Variants in P4HA1 observed in about 807,000 individuals in gnomAD.
P4HA1 encodes prolyl 4-hydroxylase subunit alpha 1.
In P4HA1, 24 loss-of-function variants were observed where a neutral mutation model predicts 72.8. The observed-to-expected ratio is 0.33, with a 90% confidence interval of 0.24 to 0.46. P4HA1 has a LOEUF of 0.46. Ranked by LOEUF, P4HA1 falls within the 20% of genes least tolerant of loss-of-function variation. The probability of loss-of-function intolerance (pLI) is 1.00; values close to 1 mark genes in which losing one functional copy is unlikely to be tolerated. For missense variants in P4HA1, 446 were observed against 640.6 expected (o/e 0.70, Z 3.28); for synonymous variants, 201 against 218.8 (o/e 0.92, Z 0.72).
chr10:73,023,987 A>C (rs1007491440), intron 10 of P4HA1, among the ~76,000 whole-genome samples: 2 of 152,202 alleles, frequency 1.3e-5, no homozygotes, highest in African/African-American at 4.8e-5. Context: ...CAGATTCATA[A>C]GGCAAGTCCT....
At chr10:73,080,362 A>C (rs923303250) in intron 1 of P4HA1, among the ~76,000 whole-genome samples, 1 of 152,236 alleles carries the variant, frequency 6.6e-6, no homozygotes, top group African/African-American at 2.4e-5. Flanking sequence ...GATAATTTGC[A>C]CAAGTTTCCA....
intron 9 of P4HA1, among the ~76,000 whole-genome samples, chr10:73,032,765 G>A (rs1057203445): frequency 6.6e-6 from 1 of 152,172 alleles, no homozygotes; most frequent in East Asian, 1.9e-4. Context: ...ACAGACAAAG[G>A]AAGCGAGCAA....
chr10:73,018,188 A>G (rs1840052335), intron 10 of P4HA1, among the ~76,000 whole-genome samples: 1 of 152,142 alleles, frequency 6.6e-6, no homozygotes, highest in Non-Finnish European at 1.5e-5. Flanking sequence ...CCTCCCAAGA[A>G]AATAGTACTT....
At chr10:73,077,228 G>A (rs1463058377) in intron 1 of P4HA1, among the ~76,000 whole-genome samples, 3 of 152,194 alleles carry the variant, frequency 2.0e-5, no homozygotes, top group Non-Finnish European at 4.4e-5. Context: ...TTTTCTTCAT[G>A]GATAAATGCT....
At chr10:73,093,558 G>C (rs1842081124) in intron 1 of P4HA1, among the ~76,000 whole-genome samples, 1 of 151,656 alleles carries the variant, frequency 6.6e-6, no homozygotes, top group Non-Finnish European at 1.5e-5. Flanking sequence ...ACAAAGCTTT[G>C]GCCGGGCACG....
chr10:73,073,904 T>TC, intron 2 of P4HA1, 77 bp from the exon 3 acceptor site: 1 of 762,790 alleles, frequency 1.3e-6, no homozygotes, highest in Non-Finnish European at 2.4e-6. Flanking sequence ...ATTGAGACTG[T>TC]TTCATTCTAT....
chr10:73,032,805 T>G (rs1840464395), intron 9 of P4HA1, among the ~76,000 whole-genome samples: 1 of 152,254 alleles, frequency 6.6e-6, no homozygotes, highest in Middle Eastern at 3.4e-3. Context: ...AGAGAGTGTG[T>G]GGGTTTTTCT....
chr10:73,044,694 G>A (rs1840812043), intron 9 of P4HA1, among the ~76,000 whole-genome samples: 1 of 152,108 alleles, frequency 6.6e-6, no homozygotes, highest in African/African-American at 2.4e-5. Context: ...AAGAAAACAA[G>A]TATCAGGCCA....
chr10:73,093,842 C>CAAAAAAAAAAA, intron 1 of P4HA1, among the ~76,000 whole-genome samples: 1 of 14,012 alleles, frequency 7.1e-5, no homozygotes, highest in Non-Finnish European at 1.1e-4. Context: ...AACTCCATCT[C>CAAAAAAAAAAA]AAAAAAAAAA....
intron 7 of P4HA1, among the ~76,000 whole-genome samples, chr10:73,048,909 C>A (rs962033292): frequency 6.6e-6 from 1 of 151,942 alleles, no homozygotes; most frequent in Non-Finnish European, 1.5e-5. Flanking sequence ...CCGAGGCAGG[C>A]GGATCACGAG....
intron 6 of P4HA1, among the ~76,000 whole-genome samples, chr10:73,052,252 G>C (rs1841038922): frequency 6.6e-6 from 1 of 151,372 alleles, no homozygotes; most frequent in African/African-American, 2.4e-5. Context: ...AGAATATATA[G>C]AGACTTCACT....
intron 9 of P4HA1, among the ~76,000 whole-genome samples, chr10:73,038,082 CG>C (rs1180326440): frequency 6.6e-6 from 1 of 151,880 alleles, no homozygotes; most frequent in Non-Finnish European, 1.5e-5. Context: ...AAAGCAAAAC[CG>C]CATCTCTACA....
At chr10:73,025,435 C>T (rs529327630) in intron 10 of P4HA1, among the ~76,000 whole-genome samples, 2 of 152,100 alleles carry the variant, frequency 1.3e-5, no homozygotes, top group South Asian at 2.1e-4. Context: ...GCTGAAAATG[C>T]GGTAAACTAG....
chr10:73,045,226 T>G (rs974184361), intron 8 of P4HA1, among the ~76,000 whole-genome samples, 175 bp from the exon 9 acceptor site: 1 of 149,654 alleles, frequency 6.7e-6, no homozygotes, highest in Admixed American at 6.6e-5. Flanking sequence ...TTTAGGTTTT[T>G]GGGGTTTTTT....
chr10:73,073,046 T>TGTAA (rs1219903633), intron 3 of P4HA1, among the ~76,000 whole-genome samples: 1 of 151,314 alleles, frequency 6.6e-6, no homozygotes, highest in Non-Finnish European at 1.5e-5. Flanking sequence ...GGCGCACACC[T>TGTAA]GTAATCCCAG....
At chr10:73,052,865 A>T (rs1841051494) in intron 6 of P4HA1, among the ~76,000 whole-genome samples, 1 of 152,238 alleles carries the variant, frequency 6.6e-6, no homozygotes, top group Non-Finnish European at 1.5e-5. Context: ...ATTCTGATGC[A>T]CGTGGTGCTT....
At chr10:73,093,208 A>G (rs1842074853) in intron 1 of P4HA1, among the ~76,000 whole-genome samples, 1 of 152,098 alleles carries the variant, frequency 6.6e-6, no homozygotes, top group Non-Finnish European at 1.5e-5. Flanking sequence ...TAATATGGAC[A>G]CATTTTTATG....
chr10:73,040,478 T>A (rs112737464), intron 9 of P4HA1, among the ~76,000 whole-genome samples: 9 of 134,224 alleles, frequency 6.7e-5, no homozygotes, highest in African/African-American at 3.1e-4. Flanking sequence ...ATTCATGAAT[T>A]TTTTTTTTTT....
At chr10:73,014,317 T>C (rs199733089) in intron 11 of P4HA1, 28 bp from the exon 12 acceptor site, 42 of 1,555,832 alleles carry the variant, frequency 2.7e-5, no homozygotes, top group Non-Finnish European at 3.6e-5. Flanking sequence ...GTAAATTCAA[T>C]GGTGTAAAAA....
Sources: allele counts gnomAD v4.1 joint callset (sites outside exome capture counted in the v4.1 genomes callset), GRCh38; gene constraint gnomAD v4.1.1; transcripts MANE v1.5; gene names NCBI Gene and HGNC (gene_info 2026-07-23, HGNC 2026-07-21).